POR: variants seen among roughly 807,000 people sequenced by gnomAD.
The protein encoded by POR is NADPH--cytochrome P450 reductase.
A neutral mutation model predicts 84.0 loss-of-function variants in POR; 56 were observed. The ratio of observed to expected loss-of-function variants is 0.67; its 90% confidence interval spans 0.54 to 0.83. The LOEUF is 0.83. POR is among the 40% of genes least tolerant of loss of function. The probability of loss-of-function intolerance (pLI) is 0.00; values close to 1 mark genes in which losing one functional copy is unlikely to be tolerated. For synonymous variants in POR, 414 were observed against 400.5 expected (o/e 1.03, Z -0.40); for missense variants, 938 against 944.3 (o/e 0.99, Z 0.09).
At chr7:75,979,050 G>T (rs1788847360) in intron 3 of POR, among the ~76,000 whole-genome samples, 2 of 152,258 alleles carry the variant, frequency 1.3e-5, no homozygotes, top group South Asian at 4.1e-4. Flanking sequence ...GCCAGCCTCA[G>T]CCTCCCAAAG....
chr7:75,985,896 GC>G, intron 13 of POR, 26 bp from the exon 14 acceptor site: 1 of 1,562,478 alleles, frequency 6.4e-7, no homozygotes, highest in Non-Finnish European at 8.7e-7. Context: ...TGGGAGCCCC[GC>G]GCTCACCCCG....
chr7:75,916,960 G>T (rs1806599781), intron 1 of POR, among the ~76,000 whole-genome samples: 1 of 152,168 alleles, frequency 6.6e-6, no homozygotes, highest in Non-Finnish European at 1.5e-5. Flanking sequence ...GTAAGTCTGT[G>T]TATGATTAGG....
chr7:75,979,216 G>A (rs1554557258), intron 3 of POR, among the ~76,000 whole-genome samples: 1 of 152,214 alleles, frequency 6.6e-6, no homozygotes, highest in African/African-American at 2.4e-5. Flanking sequence ...AATGTCAGAA[G>A]TGTGATCTTG....
At position 75,985,747 on chromosome 7, in the gene POR, C is replaced by A; in HGVS notation, c.1567C>A (p.Leu523Met). The A allele has an allele frequency of 6.3e-7, 1 of 1,584,604 alleles. No homozygotes were observed. Among genetic ancestry groups the A allele is most frequent in the Non-Finnish European group, 8.6e-7 (1 of 1,166,964 alleles). ...GTTCGTGCGCAAGTCCCAGTTCCGC[C>A]TGCCCTTCAAGGCCACCACGCCTGT... Residue 523 changes from leucine (L) to methionine (M), a missense_variant, in exon 13 of 16, where the codon CTG becomes ATG. Leu to Met is a conservative substitution (Grantham distance 15). Transcript: ENST00000461988.
At chr7:75,926,884 CA>C (rs1807158085) in intron 1 of POR, among the ~76,000 whole-genome samples, 1 of 152,186 alleles carries the variant, frequency 6.6e-6, no homozygotes, top group African/African-American at 2.4e-5. Context: ...TAGCTCCACC[CA>C]GACACGAGAC....
intron 2 of POR, among the ~76,000 whole-genome samples, chr7:75,956,396 A>G (rs781621572): frequency 2.0e-5 from 3 of 152,234 alleles, no homozygotes; most frequent in Non-Finnish European, 4.4e-5. Flanking sequence ...CCCAGACACT[A>G]TGCTAAGGTG....
Position 75,979,584 on chromosome 7 carries a change from G to A in POR, c.366+5G>A, listed in dbSNP as rs1257396479. 4 of 1,612,764 alleles carry A rather than the reference G, an allele frequency of 2.5e-6. No homozygotes were observed. The highest frequency in any genetic ancestry group is 1.6e-4 in the Middle Eastern group (1 of 6,082). On this transcript the variant is annotated splice_donor_5th_base_variant and intron_variant, in intron 4 of 15. Transcript: ENST00000461988. ...GACCCTGAGGAGTATGACCTGGTAA[G>A]CTGCCACCGCGTGCTGGCCCCAGAT...
At chr7:75,971,861 T>C (rs1240909919) in intron 2 of POR, among the ~76,000 whole-genome samples, 1 of 151,752 alleles carries the variant, frequency 6.6e-6, no homozygotes, top group Non-Finnish European at 1.5e-5. Flanking sequence ...GGCATCAAGC[T>C]TGGTTTGTGG....
chr7:75,965,319 C>T (rs1473760858), intron 2 of POR, among the ~76,000 whole-genome samples: 1 of 152,216 alleles, frequency 6.6e-6, no homozygotes, highest in Non-Finnish European at 1.5e-5. Flanking sequence ...TTCTGGGACC[C>T]TCATCACCCA....
intron 1 of POR, among the ~76,000 whole-genome samples, chr7:75,942,365 T>C (rs1786959496): frequency 6.6e-6 from 1 of 152,232 alleles, no homozygotes; most frequent in African/African-American, 2.4e-5. Flanking sequence ...TTTGAAAATA[T>C]CTTTTCACAC....
rs1554557320 is a variant in POR, at chr7:75,979,562, C to G, written c.349C>G (p.Pro117Ala). 6.2e-7 allele frequency: 1 copy of G among 1,613,506 alleles called. No individual in the cohort carries two copies. Among genetic ancestry groups the G allele is most frequent in the Non-Finnish European group, 8.5e-7 (1 of 1,179,830 alleles). ...CGGGATGCGAGGCATGTCAGCGGACCCTGAGGAGTATGACCTGGTAAGCTG... is the reference window on the plus strand; with the variant it reads ...CGGGATGCGAGGCATGTCAGCGGACGCTGAGGAGTATGACCTGGTAAGCTG... The change falls in exon 4 of 16, where the codon CCT becomes GCT. Residue 117 changes from proline (P) to alanine (A), a missense_variant. By Grantham distance (27) the Pro-to-Ala change is conservative (BLOSUM62 -1). Coordinates refer to ENST00000461988, the MANE Select transcript of POR (RefSeq NM_000941.3).
In POR at chr7:75,980,376, T is replaced by C. The variant is rs1788944663; in HGVS notation, c.404T>C (p.Leu135Pro). The C allele has an allele frequency of 6.2e-7, 1 of 1,613,076 alleles. No homozygotes were observed. Among genetic ancestry groups the C allele is most frequent in the African/African-American group, 1.3e-5 (1 of 74,924 alleles). Residue 135 changes from leucine to proline, a missense_variant, in exon 5 of 16, where the codon CTG becomes CCG. By Grantham distance (98) the Leu-to-Pro change is moderately conservative. Coordinates refer to ENST00000461988, the MANE Select transcript of POR (RefSeq NM_000941.3). ...AGCCTGCCAGAGATCGACAACGCCC[T>C]GGTGGTTTTCTGCATGGCCACCTAC... is the stretch of plus-strand genomic sequence containing the variant.
chr7:75,963,068 C>T (rs577947326), intron 2 of POR, among the ~76,000 whole-genome samples: 9 of 152,238 alleles, frequency 5.9e-5, no homozygotes, highest in South Asian at 2.1e-4. Flanking sequence ...ACAGAAAGCC[C>T]GGGAGGCCAG....
chr7:75,985,763 C>A lies in POR; in HGVS notation c.1583C>A (p.Thr528Asn). The change falls in exon 13 of 16, where the codon ACC becomes AAC. Residue 528 changes from threonine (T) to asparagine (N), a missense_variant. Transcript: ENST00000461988. ...CAGTTCCGCCTGCCCTTCAAGGCCACCACGCCTGTCATCATGGTGGGCCCC... is the reference window on the plus strand; with the variant it reads ...CAGTTCCGCCTGCCCTTCAAGGCCAACACGCCTGTCATCATGGTGGGCCCC... 6.3e-7 allele frequency: 1 copy of A among 1,579,846 alleles called. No homozygotes were observed. Among genetic ancestry groups the A allele is most frequent in the Non-Finnish European group, 8.6e-7 (1 of 1,164,140 alleles).
intron 1 of POR, among the ~76,000 whole-genome samples, chr7:75,943,541 TG>T (rs1311808814): frequency 6.6e-6 from 1 of 152,258 alleles, no homozygotes; most frequent in Non-Finnish European, 1.5e-5. Flanking sequence ...TAATATCTGC[TG>T]GTGAATAATA....
chr7:75,969,104 G>A (rs578112893), intron 2 of POR, among the ~76,000 whole-genome samples: 3 of 152,296 alleles, frequency 2.0e-5, no homozygotes, highest in East Asian at 1.9e-4. Context: ...TGTCCCATCC[G>A]TCCCTGTGGC....
intron 10 of POR, among the ~76,000 whole-genome samples, chr7:75,984,479 G>A (rs1789283347): frequency 6.6e-6 from 1 of 152,194 alleles, no homozygotes; most frequent in African/African-American, 2.4e-5. Context: ...GCCTGGGCGG[G>A]GCTGTGTCAG....
At chr7:75,956,458 C>T (rs1022281071) in intron 2 of POR, among the ~76,000 whole-genome samples, 1 of 152,232 alleles carries the variant, frequency 6.6e-6, no homozygotes, top group Admixed American at 6.5e-5. Flanking sequence ...ATCAAGCTTA[C>T]GCTCTAGTGG....
At chr7:75,920,363 G>A (rs1806796674) in intron 1 of POR, among the ~76,000 whole-genome samples, 1 of 152,094 alleles carries the variant, frequency 6.6e-6, no homozygotes, top group African/African-American at 2.4e-5. Context: ...GAGCCACCAT[G>A]TCCAGCTTAT....
Sources: gnomAD v4.1 joint callset for allele counts (sites outside exome capture counted in the v4.1 genomes callset) on GRCh38, gnomAD v4.1.1 for gene constraint, MANE v1.5 for transcripts, NCBI Gene and HGNC (gene_info 2026-07-23, HGNC 2026-07-21) for gene names.